Variants in KCNT2 observed in about 807,000 individuals in gnomAD.
KCNT2 encodes potassium sodium-activated channel subfamily T member 2.
In KCNT2, 67 loss-of-function variants were observed where a neutral mutation model predicts 153.8. The observed-to-expected ratio is 0.44, with a 90% confidence interval of 0.36 to 0.53. The LOEUF (loss-of-function observed/expected upper bound fraction) is 0.53, where lower values mean the gene tolerates loss of function less well. Ranked by LOEUF, KCNT2 falls within the 20% of genes least tolerant of loss-of-function variation. The probability of loss-of-function intolerance (pLI) is 0.00; values close to 1 mark genes in which losing one functional copy is unlikely to be tolerated. For synonymous variants in KCNT2, 500 were observed against 458.8 expected (o/e 1.09, Z -1.15); for missense variants, 975 against 1,354.8 (o/e 0.72, Z 4.40).
chr1:196,388,847 T>G (rs1670231813), intron 13 of KCNT2, among the ~76,000 whole-genome samples: 1 of 151,756 alleles, frequency 6.6e-6, no homozygotes, highest in Non-Finnish European at 1.5e-5. Context: ...TTTTACTATT[T>G]CCTTTCTAAC....
chr1:196,464,198 G>A (rs1484080775), intron 8 of KCNT2, among the ~76,000 whole-genome samples: 1 of 151,722 alleles, frequency 6.6e-6, no homozygotes, highest in Non-Finnish European at 1.5e-5. Flanking sequence ...ATTGCAATGA[G>A]TGTTTCATAT....
chr1:196,347,687 T>C (rs149311937), intron 14 of KCNT2, among the ~76,000 whole-genome samples: 29 of 152,300 alleles, frequency 1.9e-4, no homozygotes, highest in African/African-American at 6.7e-4. Flanking sequence ...ACCTGTTCTA[T>C]GACTGTCTTT....
At chr1:196,287,203 G>C (rs1215739187) in intron 22 of KCNT2, among the ~76,000 whole-genome samples, 3 of 152,018 alleles carry the variant, frequency 2.0e-5, no homozygotes, top group Non-Finnish European at 2.9e-5. Flanking sequence ...TATAAACCTA[G>C]GTGTGAAGAG....
Position 196,448,857 on chromosome 1 carries a change from T to C in KCNT2, c.638+16436A>G, listed in dbSNP as rs1336459157. On this transcript the variant is annotated intron_variant, in intron 8 of 27. Transcript: ENST00000294725. ...CACTCTAGATAGCTGTATATAAATA[T>C]GCCTCTGTGAAAAATAAAACCTAAG... Among the ~76,000 whole-genome samples the C allele has an allele frequency of 3.3e-5, 5 of 151,794 alleles. No individual in the cohort carries two copies. In the East Asian group the frequency reaches 7.8e-4, roughly 24 times the overall value.
chr1:196,568,086 G>C (rs970585821), intron 1 of KCNT2, among the ~76,000 whole-genome samples: 1 of 152,140 alleles, frequency 6.6e-6, no homozygotes, highest in Non-Finnish European at 1.5e-5. Context: ...ATCTCCATCT[G>C]CATTTACCAC....
intron 8 of KCNT2, among the ~76,000 whole-genome samples, chr1:196,463,864 T>A (rs1333290599): frequency 1.3e-5 from 2 of 151,762 alleles, no homozygotes; most frequent in Non-Finnish European, 2.9e-5. Flanking sequence ...GAAGATTTAT[T>A]GTGATGAAGA....
At chr1:196,366,184 AGT>A (rs1668026863) in intron 14 of KCNT2, among the ~76,000 whole-genome samples, 1 of 148,532 alleles carries the variant, frequency 6.7e-6, no homozygotes, top group African/African-American at 2.5e-5. Context: ...TTTGAGACAG[AGT>A]TTCGCTCTTT....
At chr1:196,471,244 G>T (rs952320563) in intron 5 of KCNT2, among the ~76,000 whole-genome samples, 8 of 151,854 alleles carry the variant, frequency 5.3e-5, no homozygotes, top group African/African-American at 1.9e-4. Flanking sequence ...TTTGCCGTAT[G>T]AATGAAAAGA....
chr1:196,467,710 T>C lies in KCNT2; in HGVS notation c.536A>G (p.Asn179Ser), dbSNP rs748975570. The C allele has an allele frequency of 1.3e-6, 2 of 1,597,508 alleles. No homozygotes were observed. The highest frequency in any genetic ancestry group is 3.3e-5 in the Admixed American group (2 of 59,812). Reference protein sequence around the residue: ...NCWLAKHALENMINDLHRAIQ... With the variant: ...NCWLAKHALESMINDLHRAIQ... ...CTTTAATTCTATACTTACAATCATA[T>C]TTTCCAAGGCATGTTTGGCAAGCCA... Residue 179 changes from asparagine to serine, a missense_variant, in exon 7 of 28, where the codon AAT (asparagine) becomes AGT (serine). By Grantham distance (46) the Asn-to-Ser change is conservative (BLOSUM62 1). Transcript: ENST00000294725.
intron 8 of KCNT2, among the ~76,000 whole-genome samples, chr1:196,438,167 T>C (rs1488971987): frequency 6.6e-6 from 1 of 151,752 alleles, no homozygotes; most frequent in African/African-American, 2.4e-5. Flanking sequence ...GTAATTTTGT[T>C]ATTTATTTAT....
At chr1:196,403,753 A>AT (rs1407702048) in intron 12 of KCNT2, among the ~76,000 whole-genome samples, 2 of 151,664 alleles carry the variant, frequency 1.3e-5, no homozygotes. Context: ...AGTCTAGTTT[A>AT]TTTTTTTAAA....
At position 196,239,728 on chromosome 1, in the gene KCNT2, TTC is replaced by T. The variant is rs142675314; in HGVS notation, c.3212-3660_3212-3659del. 5.4e-3 allele frequency among the ~76,000 whole-genome samples: 828 copies of T among 152,174 alleles called. 24 individuals are homozygous for T. The highest frequency in any genetic ancestry group is 0.041 in the Admixed American group (628 of 15,252). On this transcript the variant is annotated intron_variant, in intron 26 of 27. Coordinates refer to ENST00000294725, the MANE Select transcript of KCNT2 (RefSeq NM_198503.5). The stretch of plus-strand genomic sequence containing the variant: ...TGTGTAGGTTACCATTAAATAATAT[TTC>T]TGTTATAGACTGAATTGTGTGTTCC...
intron 8 of KCNT2, among the ~76,000 whole-genome samples, chr1:196,450,333 T>C (rs896496339): frequency 1.3e-5 from 2 of 151,924 alleles, no homozygotes; most frequent in African/African-American, 2.4e-5. Context: ...TTAGTGATCA[T>C]TCATATGTTG....
At chr1:196,367,440 T>C (rs924586998) in intron 14 of KCNT2, among the ~76,000 whole-genome samples, 2 of 152,268 alleles carry the variant, frequency 1.3e-5, no homozygotes. Flanking sequence ...TCGTATGATA[T>C]TTAATCTAAT....
intron 5 of KCNT2, among the ~76,000 whole-genome samples, chr1:196,477,499 G>A (rs759296317): frequency 8.6e-5 from 13 of 152,014 alleles, no homozygotes; most frequent in Non-Finnish European, 1.9e-4. Context: ...AGGGAGAATT[G>A]CTTGAACCCA....
intron 1 of KCNT2, among the ~76,000 whole-genome samples, chr1:196,596,280 C>T (rs1212198592): frequency 1.3e-4 from 20 of 151,878 alleles, no homozygotes; most frequent in Admixed American, 1.3e-3. Flanking sequence ...GGTAGTACAA[C>T]TTTTAGTTTT....
chr1:196,252,336 T>C (rs1656048870), intron 26 of KCNT2, among the ~76,000 whole-genome samples: 1 of 151,684 alleles, frequency 6.6e-6, no homozygotes, highest in Non-Finnish European at 1.5e-5. Flanking sequence ...AATTCTTACA[T>C]TGTAGATGTA....
At chr1:196,312,679 C>A (rs900110196) in intron 21 of KCNT2, among the ~76,000 whole-genome samples, 1 of 151,742 alleles carries the variant, frequency 6.6e-6, no homozygotes, top group Non-Finnish European at 1.5e-5. Context: ...CTATCAAAGT[C>A]TTAGGCCTTA....
chr1:196,502,520 G>T (rs1680786458), intron 1 of KCNT2, among the ~76,000 whole-genome samples: 1 of 152,106 alleles, frequency 6.6e-6, no homozygotes, highest in Non-Finnish European at 1.5e-5. Flanking sequence ...TAATGGTAAT[G>T]AGGAAATAAA....
Sources: gnomAD v4.1 joint callset for allele counts (sites outside exome capture counted in the v4.1 genomes callset) on GRCh38, gnomAD v4.1.1 for gene constraint, MANE v1.5 for transcripts, NCBI Gene and HGNC (gene_info 2026-07-23, HGNC 2026-07-21) for gene names.